Variants in FHOD1 observed in about 807,000 individuals in gnomAD.
FHOD1 encodes FH1/FH2 domain-containing protein 1.
FHOD1 carries 89 observed loss-of-function variants against 111.6 expected under a neutral mutation model. The ratio of observed to expected loss-of-function variants is 0.80; its 90% CI spans 0.67 to 0.95. The LOEUF (loss-of-function observed/expected upper bound fraction) is 0.95, where lower values mean the gene tolerates loss of function less well. FHOD1 is among the 40% of genes least tolerant of loss of function. The probability of loss-of-function intolerance (pLI) is 0.00; values close to 1 mark genes in which losing one functional copy is unlikely to be tolerated. For missense variants in FHOD1, 1,446 were observed against 1,554.2 expected, an observed-to-expected ratio of 0.93 and a Z score of 1.17; for synonymous variants, 618 against 639.0, an observed-to-expected ratio of 0.97 and a Z score of 0.50.
Position 67,238,321 on chromosome 16 carries a change from G to T in FHOD1, c.442-14C>A. 1 of 1,613,890 alleles carries T rather than the reference G, an allele frequency of 6.2e-7. No homozygotes were observed. The highest frequency in any genetic ancestry group is 8.5e-7 in the Non-Finnish European group (1 of 1,179,814). On this transcript the variant is annotated splice_polypyrimidine_tract_variant and intron_variant, in intron 4 of 21. Coordinates refer to ENST00000258201, the MANE Select transcript of FHOD1 (RefSeq NM_013241.3). The surrounding 1 kb of genome is among the most constrained non-coding windows in gnomAD (Gnocchi z 4.2). ...GTCTTTGTCCTCCTAGAGGCACCAT[G>T]GGGGAGTTTAGGGAAGCTTGGGCTA... is the stretch of plus-strand genomic sequence containing the variant.
At chr16:67,234,599 G>C (rs919332824) in intron 11 of FHOD1, 127 bp from the exon 12 acceptor site, 10 of 785,806 alleles carry the variant, frequency 1.3e-5, no homozygotes, top group Non-Finnish European at 2.1e-5. Flanking sequence ...CAGTCCATGC[G>C]CTGAGCAGAC....
chr16:67,239,753 C>T (rs2034614041), intron 1 of FHOD1, among the ~76,000 whole-genome samples: 1 of 152,210 alleles, frequency 6.6e-6, no homozygotes, highest in Non-Finnish European at 1.5e-5. Flanking sequence ...CTTTCGAGAC[C>T]TTCCACACAG....
At chr16:67,241,636 G>T (rs2034670891) in intron 1 of FHOD1, among the ~76,000 whole-genome samples, 1 of 152,228 alleles carries the variant, frequency 6.6e-6, no homozygotes, top group African/African-American at 2.4e-5. Context: ...AGCCCAGTGG[G>T]GCAGACGGGA....
At position 67,247,229 on chromosome 16, in the gene FHOD1, A is replaced by G. The variant is rs2034892859; in HGVS notation, c.182T>C (p.Leu61Pro). The change falls in exon 1 of 22, where the codon CTG (leucine) becomes CCG (proline). Residue 61 changes from leucine (L) to proline (P), a missense_variant. Leu to Pro is a moderately conservative substitution (Grantham distance 98). Transcript: ENST00000258201. ...CCTCACCTTGAGCGGCGCTCCCAGCAGGCGGTGCACCGCGGGTATCTGCGC... is the reference window on the plus strand; with the variant it reads ...CCTCACCTTGAGCGGCGCTCCCAGCGGGCGGTGCACCGCGGGTATCTGCGC... ...LGAQIPAVHR[L>P]LGAPLKLEDC... is the part of the protein sequence containing the mutation. 1 of 1,596,300 alleles carries G rather than the reference A, an allele frequency of 6.3e-7. No homozygotes were observed. The highest frequency in any genetic ancestry group is 8.5e-7 in the Non-Finnish European group (1 of 1,173,058).
At position 67,238,162 on chromosome 16, in the gene FHOD1, G is replaced by C; in HGVS notation, c.548-34C>G. ...ACAGGGATGGGCAGAGTCAGCGAGG[G>C]TCGCTGGAGCAGAGGTCATGGGAGA... is the stretch of plus-strand genomic sequence containing the variant. On this transcript the variant is annotated intron_variant, in intron 5 of 21. Transcript: ENST00000258201. The surrounding 1 kb of genome is among the most constrained non-coding windows in gnomAD (Gnocchi z 4.2). 6.2e-7 allele frequency: 1 copy of C among 1,613,716 alleles called. No individual in the cohort carries two copies. Among genetic ancestry groups the C allele is most frequent in the Non-Finnish European group, 8.5e-7 (1 of 1,179,586 alleles).
intron 17 of FHOD1, 123 bp from the exon 18 acceptor site, chr16:67,230,914 T>TA (rs2034242095): frequency 1.9e-6 from 2 of 1,066,478 alleles, no homozygotes; most frequent in South Asian, 1.6e-5. Flanking sequence ...CCAAATCTCA[T>TA]AGACTAGTGC....
Position 67,237,946 on chromosome 16 carries a change from C to A in FHOD1, c.642+88G>T. On this transcript the variant is annotated intron_variant, in intron 6 of 21. Transcript: ENST00000258201. The surrounding 1 kb of genome is among the most constrained non-coding windows in gnomAD (Gnocchi z 5.6). ...GCTTACAGAGGCCTCAGACTCACTC[C>A]CTTCCAGCTCACTTTGCAGAACAGG... The A allele has an allele frequency of 6.9e-7, 1 of 1,454,038 alleles. No homozygotes were observed. The highest frequency in any genetic ancestry group is 9.6e-7 in the Non-Finnish European group (1 of 1,042,646). The allele number at this position is 1,454,038 out of a possible 1,614,324, so 90.1% of individuals were successfully genotyped here.
chr16:67,233,930 G>C lies in FHOD1; in HGVS notation c.1773C>G (p.Pro591=). Residue 591 remains proline, a synonymous_variant, in exon 13 of 22, where the codon CCC becomes CCG. Transcript: ENST00000258201. ...GTGGGAAGGGGCCTTTGATGGGTGG[G>C]GGAGGTGGAAGTGGGGGAGGGGGGG... ...GVPPPPPLPP[P]PPIKGPFPPP... is the part of the protein sequence containing the mutation. 6.3e-7 allele frequency: 1 copy of C among 1,582,636 alleles called. No homozygotes were observed. Among genetic ancestry groups the C allele is most frequent in the African/African-American group, 1.4e-5 (1 of 74,070 alleles).
In FHOD1 at chr16:67,247,332, C is replaced by T. The variant is rs1233054976; in HGVS notation, c.79G>A (p.Asp27Asn). ...GGAAAGTTGGCACATGCGAAGGGGT[C>T]GGTGTCTTCCAGGTACTGCACCCTC... ...TVRVQYLEDT[D>N]PFACANFPEP... Residue 27 changes from aspartate to asparagine, a missense_variant, in exon 1 of 22, where the codon GAC (aspartate) becomes AAC (asparagine). By Grantham distance (23) the Asp-to-Asn change is conservative. Around this residue, in one of 3 missense-constraint regions of FHOD1, gnomAD observed 127 missense variants for 118.0 expected, o/e 1.08. Transcript: ENST00000258201. 6.2e-7 allele frequency: 1 copy of T among 1,613,668 alleles called. No homozygotes were observed. The highest frequency in any genetic ancestry group is 1.1e-5 in the South Asian group (1 of 91,088).
In FHOD1 at chr16:67,230,396, C is replaced by T; in HGVS notation, c.2969G>A (p.Cys990Tyr). Residue 990 changes from cysteine to tyrosine, a missense_variant, in exon 19 of 22, where the codon TGC becomes TAC. Around this residue, in one of 3 missense-constraint regions of FHOD1, gnomAD observed 1,085 missense variants for 1,108.8 expected, o/e 0.98. Coordinates refer to ENST00000258201, the MANE Select transcript of FHOD1 (RefSeq NM_013241.3). ...LREFALEYRT[C>Y]RERVLQQQQK... Reference sequence around the variant, plus strand: ...CTGCTGCTGTAGCACTCGTTCCCGGCAAGTCCGATACTCAAGCGCAAATTC... The same window carrying T: ...CTGCTGCTGTAGCACTCGTTCCCGGTAAGTCCGATACTCAAGCGCAAATTC... 2 of 1,614,244 alleles carry T rather than the reference C, an allele frequency of 1.2e-6. No homozygotes were observed. The highest frequency in any genetic ancestry group is 1.7e-6 in the Non-Finnish European group (2 of 1,180,044).
At chr16:67,247,122 G>T (rs1414360638) in intron 1 of FHOD1, 88 bp downstream of exon 1, 33 of 1,368,734 alleles carry the variant, frequency 2.4e-5, no homozygotes, top group African/African-American at 5.9e-5. Context: ...ACTCGCTCCA[G>T]CCTCTTCCCG....
At position 67,231,757 on chromosome 16, in the gene FHOD1, G is replaced by A. The variant is rs1239206524; in HGVS notation, c.2265C>T (p.Ala755=). 6.2e-7 allele frequency: 1 copy of A among 1,614,010 alleles called. No individual in the cohort carries two copies. The highest frequency in any genetic ancestry group is 2.2e-5 in the East Asian group (1 of 44,864). ...CTGGGCCCAGGGGTATGTCAGGGTT[G>A]GCCAGCTGGGCTTCCTCAATCTTCT... ...ERQKIEEAQL[A]NPDIPLGPAE... is the part of the protein sequence containing the mutation. Residue 755 remains alanine (A), a synonymous_variant, in exon 15 of 22, where the codon GCC becomes GCT. Coordinates refer to ENST00000258201, the MANE Select transcript of FHOD1 (RefSeq NM_013241.3). This position sits in a 1 kb window ranked among gnomAD's most constrained non-coding sequence, Gnocchi z 4.3.
At chr16:67,242,857 T>C (rs1329295847) in intron 1 of FHOD1, among the ~76,000 whole-genome samples, 1 of 152,154 alleles carries the variant, frequency 6.6e-6, no homozygotes, top group African/African-American at 2.4e-5. Context: ...GACCATGGCA[T>C]CTACTTCTCT....
intron 1 of FHOD1, among the ~76,000 whole-genome samples, chr16:67,245,938 C>G (rs912548051): frequency 3.9e-5 from 6 of 152,224 alleles, no homozygotes; most frequent in African/African-American, 1.4e-4. Context: ...GAGGTGGCCT[C>G]CAGCTGCACA....
At position 67,231,362 on chromosome 16, in the gene FHOD1, T is replaced by C. The variant is rs564958583; in HGVS notation, c.2506-13A>G. 5 of 1,614,118 alleles carry C rather than the reference T, an allele frequency of 3.1e-6. No individual in the cohort carries two copies. The South Asian group carries it at 4.4e-5, about 14-fold the overall frequency. On this transcript the variant is annotated splice_polypyrimidine_tract_variant and intron_variant, in intron 16 of 21. Transcript: ENST00000258201. This position sits in a 1 kb window ranked among gnomAD's most constrained non-coding sequence, Gnocchi z 4.3. ...CAAAGCCGCTGCTCTGAAAGGACCCTTTCTGAGCCTGGGCCTGGTTGGCTC... is the reference window on the plus strand; with the variant it reads ...CAAAGCCGCTGCTCTGAAAGGACCCCTTCTGAGCCTGGGCCTGGTTGGCTC...
intron 13 of FHOD1, 41 bp downstream of exon 13, chr16:67,233,616 C>T (rs201597404): frequency 1.9e-6 from 3 of 1,542,070 alleles, no homozygotes; most frequent in Non-Finnish European, 2.6e-6. Flanking sequence ...CTGATTCCCT[C>T]CTGCCTCCCT....
chr16:67,230,445 T>C lies in FHOD1; in HGVS notation c.2920A>G (p.Met974Val), dbSNP rs367934888. Reference sequence around the variant, plus strand: ...TCCCGCAGCGTGTGGCAGAACTGCATGATGCGCACTTCACGGGCCGCCTGC... The same window carrying C: ...TCCCGCAGCGTGTGGCAGAACTGCACGATGCGCACTTCACGGGCCGCCTGC... ...TPQAAREVRIMQFCHTLREFA... is the reference protein window; with the variant it reads ...TPQAAREVRIVQFCHTLREFA... Residue 974 changes from methionine (M) to valine (V), a missense_variant, in exon 19 of 22, where the codon ATG becomes GTG. By Grantham distance (21) the Met-to-Val change is conservative. Coordinates refer to ENST00000258201, the MANE Select transcript of FHOD1 (RefSeq NM_013241.3). 1.9e-6 allele frequency: 3 copies of C among 1,614,098 alleles called. No homozygotes were observed. The highest frequency in any genetic ancestry group is 3.3e-5 in the Admixed American group (2 of 60,010).
intron 11 of FHOD1, 59 bp downstream of exon 11, chr16:67,236,498 G>T: frequency 1.3e-6 from 2 of 1,579,654 alleles, no homozygotes; most frequent in South Asian, 1.2e-5. Flanking sequence ...ATGGAGGGGC[G>T]CAAAGCGGAG....
chr16:67,240,530 AAAAAC>A (rs978830375), intron 1 of FHOD1, among the ~76,000 whole-genome samples: 2 of 152,206 alleles, frequency 1.3e-5, no homozygotes, highest in African/African-American at 2.4e-5. Context: ...CTCTGTCTCA[AAAAAC>A]AAAACAAAAC....
Sources: allele counts gnomAD v4.1 joint callset (sites outside exome capture counted in the v4.1 genomes callset), GRCh38; gene constraint gnomAD v4.1.1; regional missense constraint gnomAD v4.1.1; non-coding constraint Gnocchi (gnomAD v3.1); transcripts MANE v1.5; gene names NCBI Gene and HGNC (gene_info 2026-07-23, HGNC 2026-07-21).